FOXP2: variants seen among roughly 807,000 people sequenced by gnomAD.
FOXP2 encodes forkhead box protein P2.
In FOXP2, 12 loss-of-function variants were observed where a neutral mutation model predicts 115.8. The ratio of observed to expected loss-of-function variants is 0.10; its 90% CI spans 0.07 to 0.17. The LOEUF is 0.17. Ranked by LOEUF, FOXP2 falls within the 10% of genes least tolerant of loss-of-function variation. FOXP2 has a pLI of 1.00. For missense variants in FOXP2, 629 were observed against 843.5 expected, an observed-to-expected ratio of 0.75 and a Z score of 3.15; for synonymous variants, 328 against 297.7, an observed-to-expected ratio of 1.10 and a Z score of -1.05.
chr7:114,516,239 C>T (rs1253911427), intron 2 of FOXP2, among the ~76,000 whole-genome samples: 2 of 151,986 alleles, frequency 1.3e-5, no homozygotes, highest in Non-Finnish European at 2.9e-5. Flanking sequence ...AGAACAGAGC[C>T]CTCAGAAATA....
At chr7:114,390,615 A>G (rs901280207) in intron 2 of FOXP2, among the ~76,000 whole-genome samples, 1 of 152,020 alleles carries the variant, frequency 6.6e-6, no homozygotes, top group East Asian at 1.9e-4. Flanking sequence ...ATGCAGTGGC[A>G]TGATCACTGC....
chr7:114,469,344 A>G (rs1217785231), intron 2 of FOXP2, among the ~76,000 whole-genome samples: 3 of 152,210 alleles, frequency 2.0e-5, no homozygotes, highest in African/African-American at 7.2e-5. Context: ...AAGGGTTACC[A>G]GCTGAAAACA....
intron 2 of FOXP2, among the ~76,000 whole-genome samples, chr7:114,322,222 A>G (rs1431631498): frequency 6.6e-6 from 1 of 151,758 alleles, no homozygotes; most frequent in African/African-American, 2.4e-5. Context: ...GTCTCACTAT[A>G]TTATTGCTCA....
chr7:114,114,349 T>G (rs1156897880), intron 1 of FOXP2, among the ~76,000 whole-genome samples: 1 of 151,414 alleles, frequency 6.6e-6, no homozygotes, highest in East Asian at 1.9e-4. Flanking sequence ...TACAAAAGAT[T>G]TCTTGTGTTG....
intron 1 of FOXP2, among the ~76,000 whole-genome samples, chr7:114,186,886 G>A (rs1793620839): frequency 2.6e-5 from 4 of 152,282 alleles, no homozygotes; most frequent in East Asian, 1.9e-4. Flanking sequence ...ATGACTCGGG[G>A]AGCCGAGAGA....
chr7:114,350,726 A>G (rs1205969432), intron 2 of FOXP2, among the ~76,000 whole-genome samples: 1 of 152,120 alleles, frequency 6.6e-6, no homozygotes, highest in Non-Finnish European at 1.5e-5. Context: ...GATACATCTC[A>G]TCTAAATAGT....
intron 6 of FOXP2, among the ~76,000 whole-genome samples, chr7:114,635,968 A>G (rs1211107987): frequency 2.6e-5 from 4 of 152,298 alleles, no homozygotes; most frequent in Admixed American, 1.3e-4. Context: ...GGAGAAGATA[A>G]TTTATCTTTG....
At chr7:114,227,433 A>T (rs1363358691) in intron 1 of FOXP2, among the ~76,000 whole-genome samples, 3 of 152,054 alleles carry the variant, frequency 2.0e-5, no homozygotes, top group Non-Finnish European at 4.4e-5. Flanking sequence ...TAATGCATTT[A>T]CTTTCCTGAA....
At chr7:114,179,856 C>T (rs749266720) in intron 1 of FOXP2, among the ~76,000 whole-genome samples, 5 of 151,958 alleles carry the variant, frequency 3.3e-5, no homozygotes, top group Non-Finnish European at 7.4e-5. Context: ...ACTAGAAGTT[C>T]TTTCTGAGGC....
chr7:114,311,249 C>G (rs1797141273), intron 2 of FOXP2, among the ~76,000 whole-genome samples: 1 of 152,064 alleles, frequency 6.6e-6, no homozygotes, highest in African/African-American at 2.4e-5. Flanking sequence ...ACTGACTGAC[C>G]TGTTGTAACA....
At chr7:114,471,358 A>G (rs931863286) in intron 2 of FOXP2, among the ~76,000 whole-genome samples, 4 of 152,182 alleles carry the variant, frequency 2.6e-5, no homozygotes, top group Non-Finnish European at 4.4e-5. Context: ...GATCTGTCAC[A>G]CAACTACCAT....
chr7:114,280,071 C>G (rs1350631897), intron 1 of FOXP2, among the ~76,000 whole-genome samples: 2 of 142,550 alleles, frequency 1.4e-5, no homozygotes, highest in African/African-American at 5.2e-5. Context: ...CTACCAGACT[C>G]TCAGGCAAAT....
chr7:114,214,808 C>T (rs535285118), intron 1 of FOXP2, among the ~76,000 whole-genome samples: 1 of 152,070 alleles, frequency 6.6e-6, no homozygotes, highest in Non-Finnish European at 1.5e-5. Context: ...TGTTAGTTTC[C>T]TAGGGAGCAA....
intron 3 of FOXP2, among the ~76,000 whole-genome samples, chr7:114,547,695 G>T (rs1034863886): frequency 1.3e-5 from 2 of 151,998 alleles, no homozygotes; most frequent in African/African-American, 4.8e-5. Context: ...GGAGGCGGAG[G>T]TTGCAGTGAG....
intron 1 of FOXP2, among the ~76,000 whole-genome samples, chr7:114,260,572 T>A (rs1795723444): frequency 6.6e-6 from 1 of 152,142 alleles, no homozygotes; most frequent in Non-Finnish European, 1.5e-5. Flanking sequence ...CTGACCTAAA[T>A]TTTCTAGCCT....
chr7:114,624,980 C>G (rs1804470251), intron 3 of FOXP2, among the ~76,000 whole-genome samples: 1 of 151,468 alleles, frequency 6.6e-6, no homozygotes, highest in Admixed American at 6.6e-5. Flanking sequence ...TTTTCCCTCT[C>G]TCATTTTAGA....
intron 2 of FOXP2, among the ~76,000 whole-genome samples, chr7:114,434,602 T>G (rs1477513569): frequency 6.6e-6 from 1 of 151,966 alleles, no homozygotes; most frequent in Non-Finnish European, 1.5e-5. Context: ...AAAGAAAATT[T>G]ACGCTAAAAA....
intron 1 of FOXP2, among the ~76,000 whole-genome samples, chr7:114,172,120 G>C (rs966108995): frequency 6.6e-6 from 1 of 152,108 alleles, no homozygotes; most frequent in Non-Finnish European, 1.5e-5. Context: ...GTTAAGGCGT[G>C]TACATTTTTT....
intron 2 of FOXP2, among the ~76,000 whole-genome samples, chr7:114,500,756 T>C (rs1014953256): frequency 2.6e-5 from 4 of 152,118 alleles, no homozygotes; most frequent in African/African-American, 9.7e-5. Context: ...TTTGCTACCA[T>C]AGAGAAAGAC....
Sources: allele counts gnomAD v4.1 joint callset (sites outside exome capture counted in the v4.1 genomes callset), GRCh38; gene constraint gnomAD v4.1.1; transcripts MANE v1.5; gene names NCBI Gene and HGNC (gene_info 2026-07-23, HGNC 2026-07-21).